Variants in ANO4 observed in about 807,000 individuals in gnomAD.
ANO4 encodes anoctamin 4.
A neutral mutation model predicts 141.9 loss-of-function variants in ANO4; 69 were observed. The ratio of observed to expected loss-of-function variants is 0.49; its 90% confidence interval spans 0.40 to 0.59. The LOEUF is 0.59. ANO4 is among the 20% of genes least tolerant of loss of function. ANO4 has a pLI of 0.00. For synonymous variants in ANO4, 350 were observed against 394.3 expected, an observed-to-expected ratio of 0.89 and a Z score of 1.33; for missense variants, 894 against 1,162.2, an observed-to-expected ratio of 0.77 and a Z score of 3.36.
At chr12:101,100,817 C>T (rs2050159969) in intron 22 of ANO4, among the ~76,000 whole-genome samples, 1 of 152,134 alleles carries the variant, frequency 6.6e-6, no homozygotes, top group African/African-American at 2.4e-5. Flanking sequence ...TTGTTATGTA[C>T]TTTAAAATGT....
At chr12:100,993,834 A>G (rs2045250879) in intron 8 of ANO4, among the ~76,000 whole-genome samples, 1 of 152,226 alleles carries the variant, frequency 6.6e-6, no homozygotes. Context: ...GAAGAAAAAA[A>G]GAAGCAGATT....
intron 8 of ANO4, among the ~76,000 whole-genome samples, chr12:100,991,493 G>A (rs1237784846): frequency 7.0e-6 from 1 of 143,000 alleles, no homozygotes; most frequent in African/African-American, 2.7e-5. Context: ...GGGTGAGGTG[G>A]GAGGAGGGCA....
At chr12:101,059,569 A>C (rs1045292432) in intron 14 of ANO4, among the ~76,000 whole-genome samples, 1 of 151,450 alleles carries the variant, frequency 6.6e-6, no homozygotes, top group East Asian at 1.9e-4. Context: ...GGGGTTCGAC[A>C]TCTTCCTTCT....
chr12:100,830,990 G>C (rs1168197224), intron 1 of ANO4, among the ~76,000 whole-genome samples: 2 of 152,144 alleles, frequency 1.3e-5, no homozygotes, highest in East Asian at 3.9e-4. Context: ...AGTGACTAGC[G>C]TAAAAATCTA....
At chr12:100,969,995 A>T (rs2043846838) in intron 5 of ANO4, among the ~76,000 whole-genome samples, 1 of 152,208 alleles carries the variant, frequency 6.6e-6, no homozygotes, top group South Asian at 2.1e-4. Context: ...ATAGACCAAA[A>T]TCTGTTGGAT....
chr12:101,034,380 A>G (rs1593077965), intron 9 of ANO4, among the ~76,000 whole-genome samples: 1 of 152,290 alleles, frequency 6.6e-6, no homozygotes, highest in East Asian at 1.9e-4. Flanking sequence ...CAGCAAACTA[A>G]GACAGGAACA....
At chr12:100,733,194 A>G (rs1390961315) in intron 1 of ANO4, among the ~76,000 whole-genome samples, 1 of 152,196 alleles carries the variant, frequency 6.6e-6, no homozygotes, top group Non-Finnish European at 1.5e-5. Context: ...AACTTGGTTT[A>G]CAAGACACTT....
intron 1 of ANO4, among the ~76,000 whole-genome samples, chr12:100,800,015 A>G (rs959076523): frequency 2.0e-5 from 3 of 152,130 alleles, no homozygotes; most frequent in Admixed American, 2.0e-4. Flanking sequence ...GGTTCATTTC[A>G]TGCAGATTAC....
chr12:100,855,362 T>C (rs1284886992), intron 1 of ANO4, among the ~76,000 whole-genome samples: 3 of 152,166 alleles, frequency 2.0e-5, no homozygotes, highest in Non-Finnish European at 4.4e-5. Flanking sequence ...AATTTCCCCA[T>C]AATCCCATAT....
chr12:100,815,601 A>G (rs953830467), intron 1 of ANO4, among the ~76,000 whole-genome samples: 10 of 152,138 alleles, frequency 6.6e-5, no homozygotes, highest in African/African-American at 2.2e-4. Flanking sequence ...GTTTTCATAT[A>G]CTTTGAAAGT....
chr12:101,070,091 C>T (rs1463228315), intron 14 of ANO4, among the ~76,000 whole-genome samples: 3 of 151,964 alleles, frequency 2.0e-5, no homozygotes, highest in African/African-American at 7.3e-5. Context: ...CCCACACTAC[C>T]CAAAGCAATC....
intron 3 of ANO4, among the ~76,000 whole-genome samples, chr12:100,929,598 T>C (rs897551029): frequency 1.3e-5 from 2 of 152,110 alleles, no homozygotes; most frequent in Non-Finnish European, 2.9e-5. Context: ...ATAGCTAGTA[T>C]ACTAATTTCC....
At position 101,086,703 on chromosome 12, in the gene ANO4, G is replaced by C. The variant is rs377115870; in HGVS notation, c.1580G>C (p.Arg527Pro). 1 of 1,613,638 alleles carries C rather than the reference G, an allele frequency of 6.2e-7. No individual in the cohort carries two copies. Among genetic ancestry groups the C allele is most frequent in the African/African-American group, 1.3e-5 (1 of 74,856 alleles). The stretch of plus-strand genomic sequence containing the variant: ...GCCGTGTTCGGGATCGTCATTTACC[G>C]GGTGGTGACTGTCAGCACTTTCGCT... ...IAAVFGIVIY[R>P]VVTVSTFAAF... Residue 527 changes from arginine (R) to proline (P), a missense_variant, in exon 17 of 28, where the codon CGG (arginine) becomes CCG (proline). By Grantham distance (103) the Arg-to-Pro change is moderately radical (BLOSUM62 -2). Transcript: ENST00000392977.
intron 1 of ANO4, among the ~76,000 whole-genome samples, chr12:100,797,187 T>C (rs2034386678): frequency 6.6e-6 from 1 of 151,938 alleles, no homozygotes; most frequent in Non-Finnish European, 1.5e-5. Context: ...CTGTTGTTTG[T>C]ACTGTGTCAA....
At chr12:101,032,102 CAAA>C (rs2136559500) in intron 9 of ANO4, among the ~76,000 whole-genome samples, 1 of 152,224 alleles carries the variant, frequency 6.6e-6, no homozygotes, top group East Asian at 1.9e-4. Context: ...CATATGGAAT[CAAA>C]GAAGACCGCA....
chr12:100,717,525 G>C (rs968857229), upstream of ANO4: 8 of 398,984 alleles, frequency 2.0e-5, no homozygotes, highest in Non-Finnish European at 3.5e-5. Context: ...CGCGGGCCAG[G>C]ATGGCCTCCC....
At chr12:101,100,493 A>T (rs530851724) in intron 22 of ANO4, among the ~76,000 whole-genome samples, 2 of 152,320 alleles carry the variant, frequency 1.3e-5, no homozygotes, top group Admixed American at 1.3e-4. Context: ...AGAATGGAAG[A>T]ATGATATAAC....
At chr12:100,826,071 G>A (rs1031299943) in intron 1 of ANO4, among the ~76,000 whole-genome samples, 1 of 151,970 alleles carries the variant, frequency 6.6e-6, no homozygotes, top group Non-Finnish European at 1.5e-5. Flanking sequence ...CTTATTATGG[G>A]CAAGTTAGTT....
At chr12:100,964,834 C>T (rs901319358) in intron 5 of ANO4, among the ~76,000 whole-genome samples, 44 of 152,268 alleles carry the variant, frequency 2.9e-4, no homozygotes, top group African/African-American at 1.0e-3. Context: ...AAAATAGCAT[C>T]TCCTTCCCAC....
Sources: allele counts gnomAD v4.1 joint callset (sites outside exome capture counted in the v4.1 genomes callset), GRCh38; gene constraint gnomAD v4.1.1; transcripts MANE v1.5; gene names NCBI Gene and HGNC (gene_info 2026-07-23, HGNC 2026-07-21).